Variants in CMTR1 observed in about 807,000 individuals in gnomAD.
CMTR1 encodes cap methyltransferase 1.
A neutral mutation model predicts 107.0 loss-of-function variants in CMTR1; 39 were observed. That is an observed-to-expected ratio of 0.36 (90% CI 0.28 to 0.48). The LOEUF (loss-of-function observed/expected upper bound fraction) is 0.48, where lower values mean the gene tolerates loss of function less well. CMTR1 is among the 20% of genes least tolerant of loss of function. The probability of loss-of-function intolerance (pLI) is 0.99; values close to 1 mark genes in which losing one functional copy is unlikely to be tolerated. For synonymous variants in CMTR1, 366 were observed against 379.5 expected, an observed-to-expected ratio of 0.96 and a Z score of 0.41; for missense variants, 672 against 1,064.9, an observed-to-expected ratio of 0.63 and a Z score of 5.14.
chr6:37,436,433 A>G (rs1210016778), intron 2 of CMTR1: 4 of 152,264 alleles, frequency 2.6e-5, no homozygotes, highest in Admixed American at 6.5e-5. Context: ...TCTTAGGGCT[A>G]CTGTAACAAA....
Position 37,453,246 on chromosome 6 carries a change from A to G in CMTR1, c.711A>G (p.Ala237=). 6.2e-7 allele frequency: 1 copy of G among 1,614,200 alleles called. No individual in the cohort carries two copies. ...IRGVFFLNRA[A]MKMANMDFVF... Reference sequence around the variant, plus strand: ...CTGTCTTGCTTTATTGCAGGGCAGCAATGAAGATGGCTAACATGGATTTTG... The same window carrying G: ...CTGTCTTGCTTTATTGCAGGGCAGCGATGAAGATGGCTAACATGGATTTTG... Residue 237 remains alanine (A), a synonymous_variant, in exon 8 of 24, where the codon GCA becomes GCG. Transcript: ENST00000373451.
At position 37,476,201 on chromosome 6, in the gene CMTR1, A is replaced by G. The variant is rs1273339882; in HGVS notation, c.2105+7A>G. 2 of 1,613,824 alleles carry G rather than the reference A, an allele frequency of 1.2e-6. No individual in the cohort carries two copies. Among genetic ancestry groups the G allele is most frequent in the East Asian group, 4.5e-5 (2 of 44,896 alleles). Reference sequence around the variant, plus strand: ...CCGACATGAATCCCATCAGGTGAGCATGTGGTCCCTACCCTCCATGCTTCT... The same window carrying G: ...CCGACATGAATCCCATCAGGTGAGCGTGTGGTCCCTACCCTCCATGCTTCT... On this transcript the variant is annotated splice_region_variant and intron_variant, in intron 20 of 23. Transcript: ENST00000373451.
chr6:37,462,044 T>C lies in CMTR1; in HGVS notation c.1267T>C (p.Cys423Arg). The change falls in exon 12 of 24, where the codon TGC (cysteine) becomes CGC (arginine). Residue 423 changes from cysteine (C) to arginine (R), a missense_variant. Around this residue, in one of 2 missense-constraint regions of CMTR1, gnomAD observed 583 missense variants for 968.4 expected, o/e 0.60. Coordinates refer to ENST00000373451, the MANE Select transcript of CMTR1 (RefSeq NM_015050.3). ...GGGGCTTGTCTACCTGCTGTACTGC[T>C]GCTTTGAACGAGTTTGTCTCTTCAA... ...SVGLVYLLYC[C>R]FERVCLFKPI... The C allele has an allele frequency of 6.2e-7, 1 of 1,614,062 alleles. No individual in the cohort carries two copies. The highest frequency in any genetic ancestry group is 8.5e-7 in the Non-Finnish European group (1 of 1,180,022).
the CMTR1 span, among the ~76,000 whole-genome samples, chr6:37,427,200 C>T: frequency 6.6e-6 from 1 of 152,088 alleles, no homozygotes; most frequent in African/African-American, 2.4e-5. The surrounding 1 kb of genome is among the most constrained non-coding windows in gnomAD (Gnocchi z 4.4). Context: ...TGTTGCAGCC[C>T]TTATTAGACT....
At chr6:37,448,206 G>A (rs1403154122) in intron 4 of CMTR1, among the ~76,000 whole-genome samples, 5 of 73,346 alleles carry the variant, frequency 6.8e-5, no homozygotes, top group Non-Finnish European at 1.0e-4. Context: ...GAGAGATTCC[G>A]TCTCAAAAAA....
At position 37,458,482 on chromosome 6, in the gene CMTR1, T is replaced by G. The variant is rs1037547835; in HGVS notation, c.778-130T>G. ...ACCAGAAGATACATTTCCTGGGTGC[T>G]GTAGCTCTGGTGGGAGCTCTGGATT... On this transcript the variant is annotated intron_variant, in intron 8 of 23. Transcript: ENST00000373451. The surrounding 1 kb of genome is among the most constrained non-coding windows in gnomAD (Gnocchi z 4.7). 16 of 799,188 alleles carry G rather than the reference T, an allele frequency of 2.0e-5. No homozygotes were observed. In the East Asian group the frequency reaches 4.3e-4, roughly 21 times the overall value. 49.5% of individuals were successfully genotyped at this position (799,188 alleles called of 1,614,324 possible). A position where few individuals can be genotyped will look rare whatever the true frequency, so the allele number is the denominator to read the frequency against.
Position 37,471,904 on chromosome 6 carries a change from G to T in CMTR1, c.1620G>T (p.Gly540=), listed in dbSNP as rs754598922. ...GGAAGGAGTGCCTCCGACTCTGGGG[G>T]GTGAGTATCTCCCCCGCCCATTGCT... ...EIRKECLRLW[G]IPDQARVAPS... is the part of the protein sequence containing the mutation. Residue 540 remains glycine, a splice_region_variant and synonymous_variant, in exon 15 of 24, where the codon GGG becomes GGT. Transcript: ENST00000373451. The T allele has an allele frequency of 6.2e-7, 1 of 1,612,954 alleles. No individual in the cohort carries two copies. Among genetic ancestry groups the T allele is most frequent in the Non-Finnish European group, 8.5e-7 (1 of 1,179,714 alleles).
chr6:37,462,899 A>G lies in CMTR1; in HGVS notation c.1396A>G (p.Lys466Glu), dbSNP rs778636348. The G allele has an allele frequency of 5.0e-6, 8 of 1,614,022 alleles. No homozygotes were observed. The highest frequency in any genetic ancestry group is 6.8e-6 in the Non-Finnish European group (8 of 1,180,028). The change falls in exon 13 of 24, where the codon AAA becomes GAA. Residue 466 changes from lysine to glutamate, a missense_variant. Lys to Glu is a moderately conservative substitution (Grantham distance 56). This residue lies in a region of CMTR1 where 583 missense variants were observed against 968.4 expected (regional missense o/e 0.60). Transcript: ENST00000373451. ...VRDYLFAVNI[K>E]LNQLRNTDSD... ...GGATTACCTCTTCGCAGTGAATATT[A>G]AACTCAATCAGCTGCGGAACACGGA... is the stretch of plus-strand genomic sequence containing the variant.
intron 13 of CMTR1, among the ~76,000 whole-genome samples, chr6:37,467,535 A>G (rs1158820595): frequency 6.6e-6 from 1 of 152,150 alleles, no homozygotes; most frequent in Non-Finnish European, 1.5e-5. Context: ...TTGAGTACTT[A>G]TTCTGTTAAC....
At chr6:37,432,765 A>G (rs76292906), upstream of CMTR1, among the ~76,000 whole-genome samples, 377 of 152,338 alleles carry the variant, frequency 2.5e-3, 8 homozygotes, top group Non-Finnish European at 1.3e-3. Flanking sequence ...TGGAGAGCCA[A>G]CTGTGCCCAT....
Position 37,474,658 on chromosome 6 carries a change from T to C in CMTR1, c.1944+12T>C. 6.2e-7 allele frequency: 1 copy of C among 1,613,072 alleles called. No individual in the cohort carries two copies. Among genetic ancestry groups the C allele is most frequent in the Non-Finnish European group, 8.5e-7 (1 of 1,179,424 alleles). On this transcript the variant is annotated intron_variant, in intron 18 of 23. Transcript: ENST00000373451. ...AGCTGAAAGGGGAGGTCAGAGATGG[T>C]TCTGCTCAGGTGTTGGCCCTGCAGC...
intron 10 of CMTR1, among the ~76,000 whole-genome samples, chr6:37,460,294 G>A (rs897589756): frequency 2.0e-5 from 3 of 152,210 alleles, no homozygotes; most frequent in Non-Finnish European, 4.4e-5. Context: ...GAAGGAAGGT[G>A]GGCAGGATGT....
intron 13 of CMTR1, among the ~76,000 whole-genome samples, chr6:37,469,521 CTTTTTTTTTTTTTTT>C (rs763917812): frequency 1.6e-5 from 1 of 61,594 alleles, no homozygotes; most frequent in African/African-American, 6.8e-5. Context: ...TTGTTTTATC[CTTTTTTTTTTTTTTT>C]TTTTTTTTTG....
intron 20 of CMTR1, 24 bp downstream of exon 20, chr6:37,476,218 C>A: frequency 6.2e-7 from 1 of 1,613,172 alleles, no homozygotes; most frequent in Non-Finnish European, 8.5e-7. Flanking sequence ...CCCTACCCTC[C>A]ATGCTTCTTT....
intron 2 of CMTR1, among the ~76,000 whole-genome samples, chr6:37,437,516 C>CAAAAA (rs35749564): frequency 8.4e-6 from 1 of 118,390 alleles, no homozygotes; most frequent in Admixed American, 8.9e-5. Flanking sequence ...GAGTCCGTCT[C>CAAAAA]AAAAAAAAAA....
chr6:37,452,524 T>C (rs1761201190), intron 6 of CMTR1, among the ~76,000 whole-genome samples: 1 of 152,148 alleles, frequency 6.6e-6, no homozygotes. Flanking sequence ...GGAATATCCA[T>C]AAGGTGACTG....
chr6:37,426,041 T>C, the CMTR1 span, among the ~76,000 whole-genome samples: 7 of 152,204 alleles, frequency 4.6e-5, no homozygotes, highest in Admixed American at 3.9e-4. Context: ...ACTTTTTTCT[T>C]CTAGCTGCTC....
At chr6:37,446,265 T>G (rs749589492) in intron 3 of CMTR1, 26 bp from the exon 4 acceptor site, 13 of 1,612,338 alleles carry the variant, frequency 8.1e-6, no homozygotes, top group Non-Finnish European at 1.1e-5. Context: ...CCTAATTAAT[T>G]GTGCTCCACT....
Position 37,465,235 on chromosome 6 carries a change from C to A in CMTR1, c.1505+2227C>A, listed in dbSNP as rs1286709403. On this transcript the variant is annotated intron_variant, in intron 13 of 23. Transcript: ENST00000373451. ...TGAGCCGAGATCGCGCCATCGTACTCCAGCCTGGGCAATGAGTGAGACTCT... is the reference window on the plus strand; with the variant it reads ...TGAGCCGAGATCGCGCCATCGTACTACAGCCTGGGCAATGAGTGAGACTCT... 2.0e-5 allele frequency among the ~76,000 whole-genome samples: 3 copies of A among 151,664 alleles called. No individual in the cohort carries two copies. The East Asian group carries it at 5.8e-4, about 29-fold the overall frequency.
Sources: gnomAD v4.1 joint callset for allele counts (sites outside exome capture counted in the v4.1 genomes callset) on GRCh38, gnomAD v4.1.1 for gene constraint, gnomAD v4.1.1 regional missense constraint, Gnocchi (gnomAD v3.1) non-coding constraint, MANE v1.5 for transcripts, NCBI Gene and HGNC (gene_info 2026-07-23, HGNC 2026-07-21) for gene names.